The following PKHD1 variants were observed in gnomAD, a reference collection of about 807,000 sequenced individuals.
PKHD1 encodes fibrocystin.
In PKHD1, 291 loss-of-function variants were observed where a neutral mutation model predicts 412.0. The observed-to-expected ratio is 0.71, with a 90% CI of 0.64 to 0.78. The LOEUF (loss-of-function observed/expected upper bound fraction) is 0.78. Among genes scored for constraint, PKHD1 ranks in the 30% least tolerant of loss-of-function variants. PKHD1 has a pLI of 0.00. For synonymous variants in PKHD1, 1,777 were observed against 1,821.5 expected (o/e 0.98, Z 0.62); for missense variants, 4,825 against 4,950.7 (o/e 0.97, Z 0.76).
intron 60 of PKHD1, among the ~76,000 whole-genome samples, chr6:51,735,957 AAC>A (rs1202121160): frequency 6.6e-5 from 10 of 152,068 alleles, no homozygotes; most frequent in African/African-American, 2.4e-4. Flanking sequence ...TAAAAATAAA[AAC>A]ACAGTTCAAT....
At chr6:51,710,105 G>A (rs1780482370) in intron 60 of PKHD1, among the ~76,000 whole-genome samples, 1 of 152,248 alleles carries the variant, frequency 6.6e-6, no homozygotes, top group Middle Eastern at 3.4e-3. Context: ...AGCTACTCGG[G>A]AAGCTGAGGC....
intron 61 of PKHD1, 84 bp from the exon 62 acceptor site, chr6:51,649,304 C>G: frequency 9.6e-7 from 1 of 1,045,224 alleles, no homozygotes; most frequent in Admixed American, 1.7e-5. Flanking sequence ...CCATTATTAC[C>G]AGTGAAAATA....
chr6:51,676,173 T>C (rs1354633834), intron 60 of PKHD1, among the ~76,000 whole-genome samples: 1 of 150,086 alleles, frequency 6.7e-6, no homozygotes, highest in African/African-American at 2.5e-5. Context: ...ATGAGGATTT[T>C]CCACCTCATT....
chr6:52,036,202 T>C (rs1392536261), intron 27 of PKHD1, among the ~76,000 whole-genome samples: 1 of 152,196 alleles, frequency 6.6e-6, no homozygotes, highest in Non-Finnish European at 1.5e-5. Flanking sequence ...AGGGTCAACA[T>C]TTTCCTCATC....
intron 60 of PKHD1, among the ~76,000 whole-genome samples, chr6:51,663,445 T>C (rs1773193823): frequency 6.6e-6 from 1 of 152,164 alleles, no homozygotes; most frequent in Non-Finnish European, 1.5e-5. Flanking sequence ...TCAATCATTC[T>C]CTGCTACCAT....
At chr6:51,968,131 A>G (rs1240523531) in intron 35 of PKHD1, among the ~76,000 whole-genome samples, 1 of 152,208 alleles carries the variant, frequency 6.6e-6, no homozygotes, top group Admixed American at 6.5e-5. Flanking sequence ...TATGAGCTTC[A>G]GTGTATTTTA....
intron 2 of PKHD1, among the ~76,000 whole-genome samples, chr6:52,083,523 T>C (rs1486240625): frequency 6.6e-6 from 1 of 152,168 alleles, no homozygotes; most frequent in Non-Finnish European, 1.5e-5. Context: ...TCTTCTTATC[T>C]TAGACATTCA....
At chr6:52,058,737 C>A (rs1235254638) in intron 15 of PKHD1, 136 bp from the exon 16 acceptor site, 3 of 796,522 alleles carry the variant, frequency 3.8e-6, no homozygotes, top group Non-Finnish European at 6.3e-6. Context: ...AACCCAGTTA[C>A]CTCAGCCCTG....
At chr6:51,691,757 A>T (rs1046703034) in intron 60 of PKHD1, among the ~76,000 whole-genome samples, 2 of 152,162 alleles carry the variant, frequency 1.3e-5, no homozygotes, top group African/African-American at 4.8e-5. Flanking sequence ...AACCCCCATG[A>T]CATAAGTTTA....
At chr6:51,670,038 A>T (rs1248651115) in intron 60 of PKHD1, among the ~76,000 whole-genome samples, 2 of 150,118 alleles carry the variant, frequency 1.3e-5, no homozygotes, top group African/African-American at 4.9e-5. Flanking sequence ...TTTGGGGTGG[A>T]GAGTTCTGTA....
chr6:51,931,292 A>T (rs1786538147), intron 37 of PKHD1, among the ~76,000 whole-genome samples: 1 of 152,170 alleles, frequency 6.6e-6, no homozygotes, highest in African/African-American at 2.4e-5. Context: ...TTATCCTGGG[A>T]AACTGAGTGA....
chr6:52,008,048 C>T (rs374562954), intron 35 of PKHD1, among the ~76,000 whole-genome samples: 21 of 152,334 alleles, frequency 1.4e-4, no homozygotes, highest in African/African-American at 3.8e-4. Flanking sequence ...ATCACTAACA[C>T]TTGAGTGTAA....
Position 51,887,191 on chromosome 6 carries a change from G to C in PKHD1, c.7051C>G (p.Gln2351Glu). 1 of 1,613,450 alleles carries C rather than the reference G, an allele frequency of 6.2e-7. No individual in the cohort carries two copies. The highest frequency in any genetic ancestry group is 8.5e-7 in the Non-Finnish European group (1 of 1,179,436). Residue 2351 changes from glutamine to glutamate, a missense_variant, in exon 44 of 67, where the codon CAA (glutamine) becomes GAA (glutamate). By Grantham distance (29) the Gln-to-Glu change is conservative. Coordinates refer to ENST00000371117, the MANE Select transcript of PKHD1 (RefSeq NM_138694.4). ...GAAAGAAGCGGAGCTTGTGATGTTTGGTTGGTCATGAGATGGAAAAAGTAG... is the reference window on the plus strand; with the variant it reads ...GAAAGAAGCGGAGCTTGTGATGTTTCGTTGGTCATGAGATGGAAAAAGTAG... ...YGYFFHLMTN[Q>E]TSQAPLLSFT...
intron 60 of PKHD1, among the ~76,000 whole-genome samples, chr6:51,675,716 C>T (rs1775730190): frequency 6.6e-6 from 1 of 152,166 alleles, no homozygotes; most frequent in Non-Finnish European, 1.5e-5. Flanking sequence ...CAGGGGCAGC[C>T]GCCCAGCCAC....
intron 53 of PKHD1, among the ~76,000 whole-genome samples, chr6:51,784,576 C>A (rs1211625972): frequency 2.0e-5 from 3 of 152,156 alleles, no homozygotes; most frequent in Non-Finnish European, 2.9e-5. Flanking sequence ...AAGCTAATTT[C>A]TGTCTTGTTA....
chr6:52,039,154 A>G (rs1804418497), intron 27 of PKHD1, among the ~76,000 whole-genome samples: 1 of 152,234 alleles, frequency 6.6e-6, no homozygotes, highest in Non-Finnish European at 1.5e-5. Context: ...GTCATTAGGA[A>G]AATCAAAATC....
intron 49 of PKHD1, among the ~76,000 whole-genome samples, chr6:51,848,178 C>G (rs2151630666): frequency 6.6e-6 from 1 of 152,248 alleles, no homozygotes; most frequent in East Asian, 1.9e-4. Context: ...ACTAGAGCTA[C>G]AAAATCAGAC....
chr6:51,750,156 C>T (rs752362428), intron 57 of PKHD1, among the ~76,000 whole-genome samples: 5 of 152,134 alleles, frequency 3.3e-5, no homozygotes, highest in East Asian at 3.9e-4. Flanking sequence ...GTAAAGGAAC[C>T]TATACGTCTA....
intron 55 of PKHD1, among the ~76,000 whole-genome samples, chr6:51,769,287 G>A (rs1229812506): frequency 1.3e-5 from 2 of 151,418 alleles, no homozygotes; most frequent in African/African-American, 4.8e-5. Context: ...TGAGCCAAAT[G>A]TATTTTTGGA....
Sources: gnomAD v4.1 joint callset for allele counts (sites outside exome capture counted in the v4.1 genomes callset) on GRCh38, gnomAD v4.1.1 for gene constraint, MANE v1.5 for transcripts, NCBI Gene and HGNC (gene_info 2026-07-23, HGNC 2026-07-21) for gene names.